The following ABCA13 variants were observed in gnomAD, a reference collection of about 807,000 sequenced individuals.
ABCA13 encodes the protein ATP-binding cassette sub-family A member 13.
In ABCA13, 476 loss-of-function variants were observed where a neutral mutation model predicts 478.7. The observed-to-expected ratio is 0.99, with a 90% confidence interval of 0.92 to 1.07. The LOEUF (loss-of-function observed/expected upper bound fraction) is 1.07. Among genes scored for constraint, ABCA13 ranks in the 50% least tolerant of loss-of-function variants. ABCA13 has a pLI of 0.00. For missense variants in ABCA13, 6,060 were observed against 5,910.6 expected (o/e 1.03, Z -0.83); for synonymous variants, 2,252 against 2,158.9 (o/e 1.04, Z -1.20).
intron 1 of ABCA13, among the ~76,000 whole-genome samples, chr7:48,181,128 G>A (rs879888431): frequency 2.0e-5 from 3 of 152,176 alleles, no homozygotes; most frequent in Non-Finnish European, 2.9e-5. Flanking sequence ...ATCCAGTGTC[G>A]TATTGTCCTT....
At position 48,436,792 on chromosome 7, in the gene ABCA13, G is replaced by A. The variant is rs1487790808; in HGVS notation, c.12565+8921G>A. On this transcript the variant is annotated intron_variant, in intron 42 of 61. Coordinates refer to ENST00000435803, the MANE Select transcript of ABCA13 (RefSeq NM_152701.5). ...ATTTGATCCATTTGTTATTTTGACT[G>A]TGTTTTAAATTTCCACATATTTGTG... is the stretch of plus-strand genomic sequence containing the variant. Among the ~76,000 whole-genome samples the A allele has an allele frequency of 2.0e-5, 3 of 148,946 alleles. No homozygotes were observed. In the South Asian group the frequency reaches 6.3e-4, roughly 31 times the overall value.
intron 3 of ABCA13, among the ~76,000 whole-genome samples, chr7:48,208,836 G>C (rs1482224162): frequency 6.6e-6 from 1 of 152,030 alleles, no homozygotes; most frequent in Non-Finnish European, 1.5e-5. Context: ...GGGACTTCCA[G>C]TGTTATGTTG....
At chr7:48,427,280 A>C (rs1262244264) in intron 41 of ABCA13, among the ~76,000 whole-genome samples, 1 of 152,236 alleles carries the variant, frequency 6.6e-6, no homozygotes, top group Non-Finnish European at 1.5e-5. Context: ...TTATTTGATT[A>C]ACTACCTTAG....
At chr7:48,414,699 C>G (rs1476026721) in intron 41 of ABCA13, among the ~76,000 whole-genome samples, 2 of 151,926 alleles carry the variant, frequency 1.3e-5, no homozygotes, top group African/African-American at 4.8e-5. Context: ...AACTCCTGGG[C>G]TCAAGTGATC....
chr7:48,488,433 A>T (rs1270406301), intron 47 of ABCA13, among the ~76,000 whole-genome samples: 1 of 152,140 alleles, frequency 6.6e-6, no homozygotes, highest in Non-Finnish European at 1.5e-5. Context: ...GTTTGCATAA[A>T]CTACGATAAC....
chr7:48,422,446 C>G (rs988392430), intron 41 of ABCA13, among the ~76,000 whole-genome samples: 3 of 152,152 alleles, frequency 2.0e-5, no homozygotes, highest in Non-Finnish European at 4.4e-5. Context: ...CTAGAATTGA[C>G]TTTTTATAAC....
chr7:48,378,192 A>G (rs533356754), intron 35 of ABCA13, among the ~76,000 whole-genome samples: 2 of 152,256 alleles, frequency 1.3e-5, no homozygotes, highest in African/African-American at 4.8e-5. Flanking sequence ...AAGAAAAGGG[A>G]ATTGGGAGTA....
At chr7:48,223,048 CTG>C (rs947084968) in intron 5 of ABCA13, among the ~76,000 whole-genome samples, 3 of 152,014 alleles carry the variant, frequency 2.0e-5, no homozygotes, top group African/African-American at 4.8e-5. Flanking sequence ...TCAGTAGGCT[CTG>C]TTGATGAATG....
intron 38 of ABCA13, among the ~76,000 whole-genome samples, chr7:48,400,771 G>A (rs1162328610): frequency 6.6e-6 from 1 of 152,222 alleles, no homozygotes; most frequent in African/African-American, 2.4e-5. Context: ...CCTGGCCAAT[G>A]CCTCAGTGGC....
At chr7:48,234,215 C>G (rs761721860) in intron 8 of ABCA13, 64 bp downstream of exon 8, 1 of 1,610,728 alleles carries the variant, frequency 6.2e-7, no homozygotes. Context: ...CTAGAGCATG[C>G]TGCTGGGGCA....
chr7:48,346,078 T>G (rs981613833), intron 29 of ABCA13, among the ~76,000 whole-genome samples: 2 of 152,232 alleles, frequency 1.3e-5, no homozygotes, highest in African/African-American at 4.8e-5. Context: ...CAGCTAGGTG[T>G]GCAGTAGGCT....
intron 33 of ABCA13, 99 bp downstream of exon 33, chr7:48,372,596 A>G: frequency 4.0e-6 from 4 of 1,011,016 alleles, no homozygotes; most frequent in Non-Finnish European, 5.6e-6. Flanking sequence ...TCAATTTGTC[A>G]TGTTCATATC....
chr7:48,441,212 T>TG (rs1823545509), intron 42 of ABCA13, among the ~76,000 whole-genome samples: 1 of 152,190 alleles, frequency 6.6e-6, no homozygotes, highest in Non-Finnish European at 1.5e-5. Flanking sequence ...CTCAGGATAT[T>TG]GGACACAGTG....
intron 56 of ABCA13, among the ~76,000 whole-genome samples, chr7:48,583,465 G>A (rs531445289): frequency 1.1e-4 from 17 of 152,196 alleles, no homozygotes; most frequent in South Asian, 2.1e-4. Context: ...TCTGATAGAT[G>A]TATGTGTGAA....
chr7:48,351,916 T>C (rs1349637609), intron 30 of ABCA13, among the ~76,000 whole-genome samples: 1 of 152,210 alleles, frequency 6.6e-6, no homozygotes, highest in East Asian at 1.9e-4. Context: ...AATTTCTTTG[T>C]GTTGATTATA....
intron 42 of ABCA13, among the ~76,000 whole-genome samples, chr7:48,451,121 C>T (rs1021381275): frequency 2.6e-5 from 4 of 151,908 alleles, no homozygotes; most frequent in Admixed American, 2.6e-4. Context: ...CCTCAGCCTC[C>T]CAAGTAGCTG....
At chr7:48,430,900 GCT>G (rs1048785399) in intron 42 of ABCA13, among the ~76,000 whole-genome samples, 3 of 151,970 alleles carry the variant, frequency 2.0e-5, no homozygotes, top group South Asian at 2.1e-4. Context: ...GATTTAGTTT[GCT>G]CTGTTTTTCC....
At chr7:48,489,536 T>C (rs1396148618) in intron 48 of ABCA13, among the ~76,000 whole-genome samples, 192 bp downstream of exon 48, 1 of 152,208 alleles carries the variant, frequency 6.6e-6, no homozygotes, top group Non-Finnish European at 1.5e-5. Flanking sequence ...TTAAATGTCT[T>C]TATTTTCTTG....
intron 1 of ABCA13, among the ~76,000 whole-genome samples, chr7:48,183,731 T>C (rs911124676): frequency 2.0e-5 from 3 of 152,204 alleles, no homozygotes; most frequent in African/African-American, 7.2e-5. Flanking sequence ...GGTACACAAT[T>C]CCGAATGAAC....
Sources: gnomAD v4.1 joint callset for allele counts (sites outside exome capture counted in the v4.1 genomes callset) on GRCh38, gnomAD v4.1.1 for gene constraint, MANE v1.5 for transcripts, NCBI Gene and HGNC (gene_info 2026-07-23, HGNC 2026-07-21) for gene names.